KIAA1217: variants seen among roughly 807,000 people sequenced by gnomAD.
KIAA1217 encodes KIAA1217.
KIAA1217 carries 88 observed loss-of-function variants against 163.9 expected under a neutral mutation model. The observed-to-expected ratio is 0.54, with a 90% CI of 0.45 to 0.64. The LOEUF is 0.64. Ranked by LOEUF, KIAA1217 falls within the 30% of genes least tolerant of loss-of-function variation. The pLI is 0.00. For missense variants in KIAA1217, 2,372 were observed against 2,475.0 expected (o/e 0.96, Z 0.88); for synonymous variants, 903 against 923.1 (o/e 0.98, Z 0.39).
At chr10:24,122,411 G>A (rs749428919) in intron 2 of KIAA1217, among the ~76,000 whole-genome samples, 5 of 152,064 alleles carry the variant, frequency 3.3e-5, no homozygotes, top group Non-Finnish European at 5.9e-5. Context: ...TGGGCATCTA[G>A]GTTGATTCCA....
chr10:24,151,479 G>A (rs1168167375), intron 2 of KIAA1217, among the ~76,000 whole-genome samples: 1 of 145,802 alleles, frequency 6.9e-6, no homozygotes, highest in African/African-American at 2.6e-5. Context: ...CATGGTTCAA[G>A]GTTCTATGAC....
At chr10:24,500,279 T>G (rs186238918) in intron 8 of KIAA1217, among the ~76,000 whole-genome samples, 119 of 151,402 alleles carry the variant, frequency 7.9e-4, no homozygotes, top group African/African-American at 2.6e-3. Flanking sequence ...TGTGTGTGTG[T>G]GTCTTTATTA....
At chr10:24,312,881 A>G (rs952515540) in intron 2 of KIAA1217, among the ~76,000 whole-genome samples, 1 of 152,146 alleles carries the variant, frequency 6.6e-6, no homozygotes, top group African/African-American at 2.4e-5. Flanking sequence ...GTGCCACTGC[A>G]ATCCAGCCTA....
At chr10:24,225,228 T>A (rs1410147694) in intron 2 of KIAA1217, among the ~76,000 whole-genome samples, 1 of 152,170 alleles carries the variant, frequency 6.6e-6, no homozygotes, top group Non-Finnish European at 1.5e-5. Context: ...TGGGCTCAAG[T>A]GATCCTCTCA....
At chr10:24,123,363 G>T (rs547820950) in intron 2 of KIAA1217, among the ~76,000 whole-genome samples, 6 of 151,970 alleles carry the variant, frequency 3.9e-5, no homozygotes, top group African/African-American at 1.2e-4. Context: ...GTATCATGTT[G>T]CATAAATAAT....
At chr10:24,091,843 A>G (rs565166215) in intron 2 of KIAA1217, among the ~76,000 whole-genome samples, 25 of 151,916 alleles carry the variant, frequency 1.6e-4, no homozygotes, top group Admixed American at 4.6e-4. Flanking sequence ...ACATGATGTC[A>G]TCATGAGACA....
intron 2 of KIAA1217, among the ~76,000 whole-genome samples, chr10:24,052,484 C>T (rs2131584299): frequency 6.6e-6 from 1 of 152,230 alleles, no homozygotes; most frequent in East Asian, 1.9e-4. Flanking sequence ...TTGTAAAGAA[C>T]TTAAGAGATT....
chr10:24,019,616 T>C (rs10741036), intron 2 of KIAA1217, among the ~76,000 whole-genome samples: 98,061 of 151,632 alleles, frequency 0.65, 32,018 homozygotes, highest in Middle Eastern at 0.78. Flanking sequence ...TGGAAATACT[T>C]AACTCTGAGG....
intron 5 of KIAA1217, among the ~76,000 whole-genome samples, chr10:24,470,627 T>C (rs1310914851): frequency 6.6e-6 from 1 of 150,922 alleles, no homozygotes; most frequent in East Asian, 2.0e-4. Context: ...GGGAGGGGAG[T>C]AGAGAGGAAG....
chr10:23,719,862 C>T (rs530020428), intron 1 of KIAA1217, among the ~76,000 whole-genome samples: 2 of 151,948 alleles, frequency 1.3e-5, no homozygotes, highest in African/African-American at 4.8e-5. Context: ...TGCAGTGAGC[C>T]GAGATCGCGC....
intron 2 of KIAA1217, among the ~76,000 whole-genome samples, chr10:24,093,161 TTTTA>T (rs930777478): frequency 1.3e-5 from 2 of 151,024 alleles, no homozygotes; most frequent in Admixed American, 6.6e-5. Flanking sequence ...GCCCAGTTAT[TTTTA>T]TTTATTTATT....
At chr10:23,934,625 A>ATTTTTTTTT (rs1183009109) in intron 1 of KIAA1217, among the ~76,000 whole-genome samples, 1,203 of 68,282 alleles carry the variant, frequency 0.018, 61 homozygotes, top group Non-Finnish European at 0.02. Flanking sequence ...ATATATATAT[A>ATTTTTTTTT]TTTTTTTTTT....
upstream of KIAA1217, chr10:24,208,762 T>C (rs776970916): frequency 1.2e-5 from 2 of 160,096 alleles, no homozygotes; most frequent in South Asian, 1.8e-4. Context: ...GCCTTAATCA[T>C]GTGTGAAATG....
At chr10:24,473,067 C>A (rs573507764) in intron 5 of KIAA1217, among the ~76,000 whole-genome samples, 161 bp from the exon 6 acceptor site, 1 of 152,198 alleles carries the variant, frequency 6.6e-6, no homozygotes, top group Non-Finnish European at 1.5e-5. Flanking sequence ...TCAACTTCAC[C>A]CCATCTGCAA....
intron 2 of KIAA1217, among the ~76,000 whole-genome samples, chr10:24,017,152 A>G (rs891005083): frequency 2.0e-5 from 3 of 151,494 alleles, no homozygotes; most frequent in African/African-American, 7.3e-5. Context: ...TCAGGGGCTC[A>G]AGTGAACCTC....
rs534913284 is a variant in KIAA1217, at chr10:24,159,975, T to A, written c.-170-59651T>A. Among the ~76,000 whole-genome samples, 6 of 152,316 alleles carry A rather than the reference T, an allele frequency of 3.9e-5. No individual in the cohort carries two copies. In the South Asian group the frequency reaches 1.2e-3, roughly 32 times the overall value. ...TGTTGAAAAGCTTATTTTTTCCCCATAGAATTGCCTTTGTACCTTTGTCAA... is the reference window on the plus strand; with the variant it reads ...TGTTGAAAAGCTTATTTTTTCCCCAAAGAATTGCCTTTGTACCTTTGTCAA... On this transcript the variant is annotated intron_variant, in intron 2 of 18. Transcript: ENST00000376462.
intron 1 of KIAA1217, among the ~76,000 whole-genome samples, chr10:23,933,376 G>A (rs1291020791): frequency 6.6e-6 from 1 of 152,186 alleles, no homozygotes; most frequent in Non-Finnish European, 1.5e-5. Context: ...ACGTGCTCCT[G>A]GCTAGGTGAC....
chr10:23,782,063 G>A (rs1391417943), intron 1 of KIAA1217, among the ~76,000 whole-genome samples: 1 of 151,268 alleles, frequency 6.6e-6, no homozygotes, highest in Non-Finnish European at 1.5e-5. Context: ...AGTTCTATAT[G>A]AATTAAAAAA....
Position 24,158,917 on chromosome 10 carries a change from T to C in KIAA1217, c.-170-60709T>C, listed in dbSNP as rs2064997412. 5 of 195,428 alleles carry C rather than the reference T, an allele frequency of 2.6e-5. No individual in the cohort carries two copies. In the South Asian group the frequency reaches 5.8e-4, roughly 23 times the overall value. 12.1% of individuals were successfully genotyped at this position (195,428 alleles called of 1,614,324 possible). On this transcript the variant is annotated intron_variant, in intron 2 of 18. Transcript: ENST00000376462. The stretch of plus-strand genomic sequence containing the variant: ...TATACTTCTTTTAGGAAGAAGCCTT[T>C]TTCATTAAAGATACAGCCTATTTGT...
Sources: gnomAD v4.1 joint callset for allele counts (sites outside exome capture counted in the v4.1 genomes callset) on GRCh38, gnomAD v4.1.1 for gene constraint, MANE v1.5 for transcripts, NCBI Gene and HGNC (gene_info 2026-07-23, HGNC 2026-07-21) for gene names.